CPT1C: variants seen among roughly 807,000 people sequenced by gnomAD.
CPT1C encodes palmitoyl thioesterase CPT1C.
CPT1C carries 61 observed loss-of-function variants against 97.3 expected under a neutral mutation model. The ratio of observed to expected loss-of-function variants is 0.63; its 90% CI spans 0.51 to 0.78. The LOEUF (loss-of-function observed/expected upper bound fraction) is 0.78. Ranked by LOEUF, CPT1C falls within the 30% of genes least tolerant of loss-of-function variation. The probability of loss-of-function intolerance (pLI) is 0.00; values close to 1 mark genes in which losing one functional copy is unlikely to be tolerated. For synonymous variants in CPT1C, 469 were observed against 447.2 expected, an observed-to-expected ratio of 1.05 and a Z score of -0.61; for missense variants, 975 against 1,065.5, an observed-to-expected ratio of 0.92 and a Z score of 1.18.
intron 4 of CPT1C, among the ~76,000 whole-genome samples, chr19:49,699,051 C>G (rs546677795): frequency 6.6e-6 from 1 of 151,862 alleles, no homozygotes; most frequent in East Asian, 1.9e-4. Flanking sequence ...TGCAGTGAGG[C>G]GAGATCACGC....
chr19:49,706,467 C>T lies in CPT1C; in HGVS notation c.1343+54C>T. On this transcript the variant is annotated intron_variant, in intron 12 of 19. Transcript: ENST00000598293. The surrounding 1 kb of genome is among the most constrained non-coding windows in gnomAD (Gnocchi z 4.8). ...GATGTGGCACCCGAGAATCCAGTAT[C>T]AGACCTAGGACCCCTGACAGTAGAC... 7.2e-7 allele frequency: 1 copy of T among 1,396,278 alleles called. No homozygotes were observed. Among genetic ancestry groups the T allele is most frequent in the South Asian group, 1.5e-5 (1 of 65,320 alleles). The allele number at this position is 1,396,278 out of a possible 1,614,324, so 86.5% of individuals were successfully genotyped here.
At position 49,706,169 on chromosome 19, in the gene CPT1C, G is replaced by C. The variant is rs927675700; in HGVS notation, c.1161-62G>C. On this transcript the variant is annotated intron_variant, in intron 11 of 19. Transcript: ENST00000598293. This position sits in a 1 kb window ranked among gnomAD's most constrained non-coding sequence, Gnocchi z 4.8. ...CGCCAGTGTCCTGAGACTGTGGAAG[G>C]GCAGGGTGGGGCCAGGTGGCGGCTG... 5.8e-6 allele frequency: 9 copies of C among 1,555,682 alleles called. 1 individual carries two copies. The South Asian group carries it at 6.0e-5, about 10-fold the overall frequency.
At chr19:49,703,510 C>G (rs1272203242) in intron 7 of CPT1C, among the ~76,000 whole-genome samples, 1 of 149,960 alleles carries the variant, frequency 6.7e-6, no homozygotes, top group Non-Finnish European at 1.5e-5. Context: ...CTCTTTCTTT[C>G]TTTCTTTCTC....
intron 7 of CPT1C, 79 bp from the exon 8 acceptor site, chr19:49,704,631 C>A: frequency 8.9e-7 from 1 of 1,118,512 alleles, no homozygotes; most frequent in Non-Finnish European, 1.3e-6. Context: ...GCAGGAGCAT[C>A]TGGGGCCTTC....
intron 7 of CPT1C, among the ~76,000 whole-genome samples, chr19:49,702,619 CAA>C (rs1175232968): frequency 2.6e-5 from 2 of 75,928 alleles, no homozygotes; most frequent in Non-Finnish European, 5.1e-5. Flanking sequence ...GACTCTGTCT[CAA>C]AAAAAAAAAA....
At position 49,695,089 on chromosome 19, in the gene CPT1C, C is replaced by G. The variant is rs539861919; in HGVS notation, c.142-2237C>G. 1.8e-3 allele frequency among the ~76,000 whole-genome samples: 279 copies of G among 151,660 alleles called. 1 individual carries two copies. Among genetic ancestry groups the G allele is most frequent in the Middle Eastern group, 0.017 (5 of 294 alleles). On this transcript the variant is annotated intron_variant, in intron 3 of 19. Coordinates refer to ENST00000598293, the MANE Select transcript of CPT1C (RefSeq NM_001199753.2). ...CCAGGAGGCGGAGCTTGCAGTGAGC[C>G]GAGATCGTGCCACTGCACTCCAGCC...
intron 7 of CPT1C, among the ~76,000 whole-genome samples, chr19:49,702,619 CAAAAAAAAAAAAAGAAA>C (rs927496905): frequency 5.5e-4 from 42 of 75,968 alleles, no homozygotes; most frequent in Non-Finnish European, 9.4e-4. Context: ...GACTCTGTCT[CAAAAAAAAAAAAAGAAA>C]AGAAAAAAAA....
chr19:49,701,512 C>A lies in CPT1C; in HGVS notation c.571C>A (p.Arg191=), dbSNP rs745615051. ...TCCCCTTTAGTACCTGGAGTCGGTC[C>A]GGCCCATCCTCTCCGACGAGGACTT... ...DTVRKYLESV[R]PILSDEDFDW... Residue 191 remains arginine (R), a synonymous_variant, in exon 7 of 20, where the codon CGG becomes AGG. Transcript: ENST00000598293. The A allele has an allele frequency of 6.2e-7, 1 of 1,609,054 alleles. No homozygotes were observed. The highest frequency in any genetic ancestry group is 8.5e-7 in the Non-Finnish European group (1 of 1,176,614).
chr19:49,712,428 C>T (rs1361508412), intron 17 of CPT1C: 8 of 384,612 alleles, frequency 2.1e-5, no homozygotes, highest in East Asian at 5.4e-5. Context: ...AGGCAGAAGG[C>T]GGAGAGGCAA....
Position 49,711,940 on chromosome 19 carries a change from G to T in CPT1C, c.1998G>T (p.Leu666=). 6.2e-7 allele frequency: 1 copy of T among 1,614,062 alleles called. No individual in the cohort carries two copies. The highest frequency in any genetic ancestry group is 8.5e-7 in the Non-Finnish European group (1 of 1,179,956). The change falls in exon 17 of 20, where the codon CTG becomes CTT. Residue 666 remains leucine, a synonymous_variant. Coordinates refer to ENST00000598293, the MANE Select transcript of CPT1C (RefSeq NM_001199753.2). Reference sequence around the variant, plus strand: ...ACATCGTGTCCCGATTCCTCCACCTGCAGTCGCCCTTCCTGACCCAGGTTG... The same window carrying T: ...ACATCGTGTCCCGATTCCTCCACCTTCAGTCGCCCTTCCTGACCCAGGTTG... ...ALYIVSRFLH[L]QSPFLTQVHS...
At chr19:49,692,497 C>T in intron 3 of CPT1C, 104 bp downstream of exon 3, 1 of 1,388,360 alleles carries the variant, frequency 7.2e-7, no homozygotes, top group Non-Finnish European at 9.8e-7. Flanking sequence ...TTCTGGGAGA[C>T]TATCACCCCT....
At chr19:49,703,200 T>TC (rs1179037828) in intron 7 of CPT1C, among the ~76,000 whole-genome samples, 4 of 150,348 alleles carry the variant, frequency 2.7e-5, no homozygotes, top group Non-Finnish European at 5.9e-5. Context: ...TTCCTTTTTT[T>TC]CTGTCTCCTT....
chr19:49,692,345 C>G lies in CPT1C; in HGVS notation c.93C>G (p.Ile31Met). ...VELSAPVLQE[I>M]YLSGLRSWKR... is the part of the protein sequence containing the mutation. ...TCAGTGCCCCTGTGCTGCAGGAGAT[C>G]TACCTCTCTGGCCTGCGCTCCTGGA... Residue 31 changes from isoleucine to methionine, a missense_variant, in exon 3 of 20, where the codon ATC becomes ATG. Ile to Met is a conservative substitution (Grantham distance 10). Around this residue, in one of 3 missense-constraint regions of CPT1C, gnomAD observed 596 missense variants for 603.1 expected, o/e 0.99. Transcript: ENST00000598293. 6.2e-7 allele frequency: 1 copy of G among 1,614,134 alleles called. No individual in the cohort carries two copies. Among genetic ancestry groups the G allele is most frequent in the South Asian group, 1.1e-5 (1 of 91,074 alleles).
At chr19:49,710,511 C>T in intron 15 of CPT1C, 27 bp downstream of exon 15, 4 of 1,613,930 alleles carry the variant, frequency 2.5e-6, no homozygotes, top group Non-Finnish European at 3.4e-6. Flanking sequence ...ATCCACAGCC[C>T]CCGCAGGGTC....
At position 49,691,870 on chromosome 19, in the gene CPT1C, G is replaced by A. The variant is rs2082368873; in HGVS notation, c.-34G>A. The A allele has an allele frequency of 5.2e-6, 1 of 193,358 alleles. No homozygotes were observed. Among genetic ancestry groups the A allele is most frequent in the South Asian group, 1.1e-4 (1 of 8,974 alleles). The allele number at this position is 193,358 out of a possible 1,614,324, so 12.0% of individuals were successfully genotyped here. ...TCAAAACCTCCGGGTCTACAAACCA[G>A]GACCCTCAAGACCCTTCAGGTGCTT... On this transcript the variant is annotated 5_prime_UTR_variant, in exon 2 of 20. Transcript: ENST00000598293.
intron 17 of CPT1C, 98 bp from the exon 18 acceptor site, chr19:49,712,638 C>A: frequency 3.5e-6 from 3 of 869,368 alleles, no homozygotes; most frequent in Admixed American, 2.0e-5. Context: ...CCCGGATTTA[C>A]GGGTAAAAAA....
rs1022073826 is a variant in CPT1C at position 49,705,810 on chromosome 19, T to C, written c.965-99T>C. ...GGGTGCTGATGATTACTAGGGTACT[T>C]TGAACAACTGACGACACCTAAGAAG... On this transcript the variant is annotated intron_variant, in intron 10 of 19. Coordinates refer to ENST00000598293, the MANE Select transcript of CPT1C (RefSeq NM_001199753.2). 10 of 1,132,652 alleles carry C rather than the reference T, an allele frequency of 8.8e-6. No individual in the cohort carries two copies. The African/African-American group carries it at 1.4e-4, about 16-fold the overall frequency. 70.2% of individuals were successfully genotyped at this position (1,132,652 alleles called of 1,614,324 possible). A position where few individuals can be genotyped will look rare whatever the true frequency, so the allele number is the denominator to read the frequency against.
At chr19:49,702,128 A>ATATATATTTAT (rs2083195209) in intron 7 of CPT1C, among the ~76,000 whole-genome samples, 12 of 89,348 alleles carry the variant, frequency 1.3e-4, no homozygotes, top group South Asian at 5.1e-4. Context: ...TTATTTATAA[A>ATATATATTTAT]TTATAAATAA....
chr19:49,692,357 C>T lies in CPT1C; in HGVS notation c.105C>T (p.Gly35=), dbSNP rs773168922. 6.9e-5 allele frequency: 111 copies of T among 1,613,994 alleles called. No individual in the cohort carries two copies. The highest frequency in any genetic ancestry group is 8.7e-5 in the Non-Finnish European group (103 of 1,180,024). Reference sequence around the variant, plus strand: ...TGCTGCAGGAGATCTACCTCTCTGGCCTGCGCTCCTGGAAAAGGCATCTCT... The same window carrying T: ...TGCTGCAGGAGATCTACCTCTCTGGTCTGCGCTCCTGGAAAAGGCATCTCT... The part of the protein sequence containing the change: ...APVLQEIYLS[G]LRSWKRHLSR... Residue 35 remains glycine (G), a synonymous_variant, in exon 3 of 20, where the codon GGC becomes GGT. Coordinates refer to ENST00000598293, the MANE Select transcript of CPT1C (RefSeq NM_001199753.2).
Sources: allele counts gnomAD v4.1 joint callset (sites outside exome capture counted in the v4.1 genomes callset), GRCh38; gene constraint gnomAD v4.1.1; regional missense constraint gnomAD v4.1.1; non-coding constraint Gnocchi (gnomAD v3.1); transcripts MANE v1.5; gene names NCBI Gene and HGNC (gene_info 2026-07-23, HGNC 2026-07-21).